The following PRDM2 variants were observed in gnomAD, a reference collection of about 807,000 sequenced individuals.
PRDM2 encodes the protein PR/SET domain 2.
PRDM2 carries 30 observed loss-of-function variants against 130.0 expected under a neutral mutation model. The ratio of observed to expected loss-of-function variants is 0.23; its 90% CI spans 0.17 to 0.31. PRDM2 has a LOEUF of 0.31. Among genes scored for constraint, PRDM2 ranks in the 10% least tolerant of loss-of-function variants. The pLI is 1.00. For missense variants in PRDM2, 2,011 were observed against 2,108.4 expected (o/e 0.95, Z 0.90); for synonymous variants, 871 against 782.4 (o/e 1.11, Z -1.89).
chr1:13,730,357 C>CT (rs1162292126), intron 2 of PRDM2, among the ~76,000 whole-genome samples: 1 of 152,182 alleles, frequency 6.6e-6, no homozygotes, highest in African/African-American at 2.4e-5. Context: ...AAAAAATTCT[C>CT]TGTTTCTTAG....
At chr1:13,745,731 G>GT (rs1253693556) in intron 5 of PRDM2, among the ~76,000 whole-genome samples, 4 of 152,136 alleles carry the variant, frequency 2.6e-5, no homozygotes, top group Non-Finnish European at 4.4e-5. Context: ...CCTTTTGTTT[G>GT]TTTTTTATTT....
chr1:13,800,532 A>C (rs1206083732), intron 8 of PRDM2, among the ~76,000 whole-genome samples: 1 of 152,170 alleles, frequency 6.6e-6, no homozygotes, highest in African/African-American at 2.4e-5. Flanking sequence ...GACGGTGAGC[A>C]GCAGCCATGT....
At chr1:13,764,388 ACAGGTCAGCAT>A (rs1319082330) in intron 6 of PRDM2, among the ~76,000 whole-genome samples, 4 of 152,246 alleles carry the variant, frequency 2.6e-5, no homozygotes, top group African/African-American at 7.2e-5. Context: ...ATGAAGTAGA[ACAGGTCAGCAT>A]CTTGTTTATA....
At chr1:13,757,671 G>A (rs1046839638) in intron 6 of PRDM2, among the ~76,000 whole-genome samples, 2 of 151,916 alleles carry the variant, frequency 1.3e-5, no homozygotes, top group African/African-American at 4.8e-5. Flanking sequence ...TGATTTGTTT[G>A]TGGATATAAT....
intron 4 of PRDM2, among the ~76,000 whole-genome samples, chr1:13,737,852 C>T (rs1643318014): frequency 6.6e-6 from 1 of 152,106 alleles, no homozygotes; most frequent in African/African-American, 2.4e-5. Flanking sequence ...ATACCAGGCA[C>T]TGTCTTAAGT....
chr1:13,805,361 T>C (rs1645071219), intron 8 of PRDM2, among the ~76,000 whole-genome samples: 1 of 152,170 alleles, frequency 6.6e-6, no homozygotes, highest in Admixed American at 6.5e-5. Context: ...TCCTTTGGGT[T>C]CCTGCCCTGC....
At chr1:13,788,183 G>A (rs952179782) in intron 8 of PRDM2, 24 of 855,966 alleles carry the variant, frequency 2.8e-5, no homozygotes, top group African/African-American at 3.7e-5. Flanking sequence ...TTAAAAGTGC[G>A]GCGTCTACTC....
Position 13,782,413 on chromosome 1 carries a change from G to A in PRDM2, c.4618G>A (p.Gly1540Ser), listed in dbSNP as rs1644635144. The change falls in exon 8 of 10, where the codon GGC becomes AGC. Residue 1540 changes from glycine to serine, a missense_variant. Around this residue, in one of 5 missense-constraint regions of PRDM2, gnomAD observed 410 missense variants for 395.9 expected, o/e 1.04. Transcript: ENST00000311066. ...GGGCAAGACCAGAGCCCGCAGCTCA[G>A]GCCCCACCCAAGTCCCACTTCCCTC... ...PLGKTRARSS[G>S]PTQVPLPSSS... 1 of 1,613,798 alleles carries A rather than the reference G, an allele frequency of 6.2e-7. No homozygotes were observed. Among genetic ancestry groups the A allele is most frequent in the African/African-American group, 1.3e-5 (1 of 74,840 alleles).
intron 8 of PRDM2, among the ~76,000 whole-genome samples, chr1:13,810,323 C>T (rs1367093720): frequency 6.6e-6 from 1 of 152,152 alleles, no homozygotes; most frequent in African/African-American, 2.4e-5. Flanking sequence ...TGTCTGCTGT[C>T]TGCTACAGAC....
intron 8 of PRDM2, among the ~76,000 whole-genome samples, chr1:13,791,611 G>A (rs752619203): frequency 6.6e-6 from 1 of 152,150 alleles, no homozygotes; most frequent in Non-Finnish European, 1.5e-5. Context: ...AGGTATTTAC[G>A]TTCTGCCGAT....
chr1:13,775,924 C>G (rs1644465024), intron 7 of PRDM2, among the ~76,000 whole-genome samples: 1 of 152,186 alleles, frequency 6.6e-6, no homozygotes, highest in African/African-American at 2.4e-5. Context: ...TTTCAGATAC[C>G]TTCAGTGGCT....
chr1:13,765,092 G>T (rs917043998), intron 6 of PRDM2, among the ~76,000 whole-genome samples: 1 of 152,200 alleles, frequency 6.6e-6, no homozygotes, highest in Non-Finnish European at 1.5e-5. Context: ...TTGACCAGTT[G>T]TAACAGCCAC....
intron 2 of PRDM2, among the ~76,000 whole-genome samples, chr1:13,724,497 CTTTT>C (rs749027235): frequency 4.6e-5 from 6 of 129,754 alleles, no homozygotes; most frequent in Admixed American, 1.6e-4. Flanking sequence ...CTTTTCATGG[CTTTT>C]TTTTTTTTTT....
chr1:13,782,762 C>T lies in PRDM2; in HGVS notation c.4967C>T (p.Ala1656Val), dbSNP rs1189913215. ...CCAGTCACCCGGAGCCTTCAGCTGG[C>T]AGCTGCTGCTGACTTGAGTGAGAAC... ...GGPVTRSLQL[A>V]AAADLSENKR... The change falls in exon 8 of 10, where the codon GCA (alanine) becomes GTA (valine). Residue 1656 changes from alanine (A) to valine (V), a missense_variant. This residue lies in a region of PRDM2 where 410 missense variants were observed against 395.9 expected (regional missense o/e 1.04). Coordinates refer to ENST00000311066, the MANE Select transcript of PRDM2 (RefSeq NM_001393986.1). The T allele has an allele frequency of 1.9e-6, 3 of 1,612,088 alleles. No homozygotes were observed. Among genetic ancestry groups the T allele is most frequent in the Non-Finnish European group, 2.5e-6 (3 of 1,179,362 alleles).
At chr1:13,764,496 C>G (rs751557585) in intron 6 of PRDM2, among the ~76,000 whole-genome samples, 2 of 152,192 alleles carry the variant, frequency 1.3e-5, no homozygotes, top group African/African-American at 4.8e-5. Context: ...GCTTTCTTAT[C>G]TTGAATTTGG....
Position 13,780,220 on chromosome 1 carries a change from T to C in PRDM2, c.2425T>C (p.Trp809Arg), listed in dbSNP as rs762168506. The C allele has an allele frequency of 4.4e-6, 7 of 1,607,450 alleles. No individual in the cohort carries two copies. The Admixed American group carries it at 1.2e-4, about 27-fold the overall frequency. Residue 809 changes from tryptophan to arginine, a missense_variant, in exon 8 of 10, where the codon TGG (tryptophan) becomes CGG (arginine). Around this residue, in one of 5 missense-constraint regions of PRDM2, gnomAD observed 1,288 missense variants for 1,237.7 expected, o/e 1.04. Transcript: ENST00000311066. Reference protein sequence around the residue: ...CFDEYKMSKEWTASSAFSSVC... With the variant: ...CFDEYKMSKERTASSAFSSVC... ...TGATGAATATAAAATGTCTAAAGAG[T>C]GGACAGCTAGTTCTGCTTTTAGCAG...
intron 8 of PRDM2, among the ~76,000 whole-genome samples, chr1:13,794,854 A>C (rs1177539174): frequency 6.6e-6 from 1 of 152,232 alleles, no homozygotes; most frequent in Admixed American, 6.5e-5. Flanking sequence ...CTCTGCCCAG[A>C]GAGAAAGCTC....
At chr1:13,775,413 T>C (rs1462766419) in intron 7 of PRDM2, among the ~76,000 whole-genome samples, 1 of 152,234 alleles carries the variant, frequency 6.6e-6, no homozygotes, top group African/African-American at 2.4e-5. Flanking sequence ...GGGGTCTCTA[T>C]TGAAAATATC....
intron 5 of PRDM2, among the ~76,000 whole-genome samples, chr1:13,748,778 C>G (rs1643695735): frequency 6.6e-6 from 1 of 152,154 alleles, no homozygotes; most frequent in African/African-American, 2.4e-5. Context: ...ATGTCCGGTC[C>G]GAAGGGCGAG....
Sources: gnomAD v4.1 joint callset for allele counts (sites outside exome capture counted in the v4.1 genomes callset) on GRCh38, gnomAD v4.1.1 for gene constraint, gnomAD v4.1.1 regional missense constraint, MANE v1.5 for transcripts, NCBI Gene and HGNC (gene_info 2026-07-23, HGNC 2026-07-21) for gene names.